The following RNGTT variants were observed in gnomAD, a reference collection of about 807,000 sequenced individuals.
The protein encoded by RNGTT is mRNA-capping enzyme.
RNGTT carries 33 observed loss-of-function variants against 79.3 expected under a neutral mutation model. The observed-to-expected ratio is 0.42, with a 90% CI of 0.32 to 0.56. The LOEUF (loss-of-function observed/expected upper bound fraction) is 0.56, where lower values mean the gene tolerates loss of function less well. Ranked by LOEUF, RNGTT falls within the 20% of genes least tolerant of loss-of-function variation. RNGTT has a pLI of 0.17. For missense variants in RNGTT, 497 were observed against 739.1 expected (o/e 0.67, Z 3.80); for synonymous variants, 222 against 235.9 (o/e 0.94, Z 0.54).
intron 12 of RNGTT, 36 bp downstream of exon 12, chr6:88,801,528 A>G: frequency 6.5e-7 from 1 of 1,540,028 alleles, no homozygotes; most frequent in Non-Finnish European, 9.0e-7. Flanking sequence ...ACACAAACAC[A>G]CAAACGAACA....
intron 13 of RNGTT, among the ~76,000 whole-genome samples, chr6:88,762,796 GA>G: frequency 6.6e-6 from 1 of 152,328 alleles, no homozygotes; most frequent in East Asian, 1.9e-4. Flanking sequence ...TGAAGTTACA[GA>G]AACACAAGCA....
intron 11 of RNGTT, among the ~76,000 whole-genome samples, chr6:88,842,529 T>A (rs1019798920): frequency 8.5e-5 from 13 of 152,158 alleles, no homozygotes; most frequent in Non-Finnish European, 1.8e-4. Flanking sequence ...AGTATGTTCA[T>A]GTGAGAACAC....
At chr6:88,901,810 T>A (rs1783478748) in intron 6 of RNGTT, among the ~76,000 whole-genome samples, 1 of 152,116 alleles carries the variant, frequency 6.6e-6, no homozygotes, top group Admixed American at 6.6e-5. Flanking sequence ...CACCCTGATT[T>A]TTATACTCAG....
At chr6:88,941,834 A>G (rs997266147) in intron 1 of RNGTT, among the ~76,000 whole-genome samples, 9 of 152,194 alleles carry the variant, frequency 5.9e-5, no homozygotes, top group African/African-American at 2.2e-4. Context: ...CAGCAAAAGA[A>G]AAATTACCAG....
chr6:88,666,704 A>T (rs1774424673), intron 14 of RNGTT, among the ~76,000 whole-genome samples: 1 of 152,208 alleles, frequency 6.6e-6, no homozygotes, highest in African/African-American at 2.4e-5. Context: ...TGGGAGCTGT[A>T]TGTGGACGGA....
intron 13 of RNGTT, among the ~76,000 whole-genome samples, chr6:88,687,535 C>T (rs1775322224): frequency 6.6e-6 from 1 of 152,140 alleles, no homozygotes; most frequent in African/African-American, 2.4e-5. Context: ...AACGCTCAGA[C>T]ATGGCAGAGT....
At position 88,840,191 on chromosome 6, in the gene RNGTT, C is replaced by G. The variant is rs550368717; in HGVS notation, c.1269+4166G>C. ...TTAGCAAAGATAAAAATCTCCACAG[C>G]AATAACCTGTCAATTGTAGTTATTA... On this transcript the variant is annotated intron_variant, in intron 11 of 15. Coordinates refer to ENST00000369485, the MANE Select transcript of RNGTT (RefSeq NM_003800.5). Among the ~76,000 whole-genome samples the G allele has an allele frequency of 8.5e-4, 130 of 152,276 alleles. 1 individual carries two copies. The highest frequency in any genetic ancestry group is 3.4e-3 in the Middle Eastern group (1 of 294).
chr6:88,747,783 T>C (rs527606762), intron 13 of RNGTT, among the ~76,000 whole-genome samples: 2 of 152,322 alleles, frequency 1.3e-5, no homozygotes, highest in African/African-American at 4.8e-5. Flanking sequence ...AAGAATCTGT[T>C]TCCCTTTCCT....
intron 13 of RNGTT, among the ~76,000 whole-genome samples, chr6:88,688,744 T>C (rs1366636470): frequency 1.3e-5 from 2 of 152,182 alleles, no homozygotes; most frequent in African/African-American, 4.8e-5. Context: ...TTGAATAACA[T>C]GGGTTTGAAC....
At position 88,611,907 on chromosome 6, in the gene RNGTT, A is replaced by G. The variant is rs550112267; in HGVS notation, c.*812T>C. 15 of 152,704 alleles carry G rather than the reference A, an allele frequency of 9.8e-5. No homozygotes were observed. The highest frequency in any genetic ancestry group is 1.6e-4 in the Non-Finnish European group (11 of 68,068). The allele number at this position is 152,704 out of a possible 1,614,324, so 9.5% of individuals were successfully genotyped here. ...GCTGATACCACTGAGGTAAAGCAGA[A>G]GTAGCCCTGGCATTTAAAAAAAGAA... On this transcript the variant is annotated 3_prime_UTR_variant, in exon 16 of 16. Coordinates refer to ENST00000369485, the MANE Select transcript of RNGTT (RefSeq NM_003800.5).
intron 13 of RNGTT, among the ~76,000 whole-genome samples, chr6:88,689,504 GA>G (rs938020338): frequency 2.7e-4 from 40 of 150,880 alleles, no homozygotes; most frequent in Admixed American, 2.2e-3. Flanking sequence ...TGAAGCAGGA[GA>G]ATCACTTGAA....
chr6:88,821,794 A>AT (rs1374048277), intron 11 of RNGTT, among the ~76,000 whole-genome samples: 4 of 151,858 alleles, frequency 2.6e-5, no homozygotes, highest in Non-Finnish European at 5.9e-5. Flanking sequence ...GCACTGAAAC[A>AT]TTTTAATATT....
At chr6:88,848,124 T>C (rs976828940) in intron 10 of RNGTT, among the ~76,000 whole-genome samples, 3 of 151,846 alleles carry the variant, frequency 2.0e-5, no homozygotes, top group African/African-American at 7.2e-5. Context: ...TTAAACCTTG[T>C]TAGTAATCAA....
At chr6:88,689,544 A>AG (rs1775401630) in intron 13 of RNGTT, among the ~76,000 whole-genome samples, 1 of 151,078 alleles carries the variant, frequency 6.6e-6, no homozygotes. Context: ...CAGTGAGCCG[A>AG]GATCGCGCCA....
At position 88,933,053 on chromosome 6, in the gene RNGTT, G is replaced by A. The variant is rs796545912; in HGVS notation, c.175-3786C>T. Among the ~76,000 whole-genome samples, 11 of 151,626 alleles carry A rather than the reference G, an allele frequency of 7.3e-5. No homozygotes were observed. In the South Asian group the frequency reaches 2.3e-3, roughly 32 times the overall value. ...ACCCTTTCTCCACTTTAATCCTTGA[G>A]TTTCTACTCCCTCCCTCTTTCCCCC... On this transcript the variant is annotated intron_variant, in intron 2 of 15. Coordinates refer to ENST00000369485, the MANE Select transcript of RNGTT (RefSeq NM_003800.5).
At chr6:88,783,488 A>C (rs186662663) in intron 12 of RNGTT, among the ~76,000 whole-genome samples, 1 of 152,192 alleles carries the variant, frequency 6.6e-6, no homozygotes, top group Non-Finnish European at 1.5e-5. Flanking sequence ...TTATTTCACA[A>C]TGTATATCAA....
intron 14 of RNGTT, among the ~76,000 whole-genome samples, chr6:88,649,471 G>T (rs930536450): frequency 1.3e-5 from 2 of 152,228 alleles, no homozygotes; most frequent in African/African-American, 4.8e-5. Context: ...GGCCGAGGCG[G>T]TGGATCACGA....
At chr6:88,740,543 A>G (rs9344852) in intron 13 of RNGTT, among the ~76,000 whole-genome samples, 19,748 of 151,906 alleles carry the variant, frequency 0.13, 1,456 homozygotes, top group Middle Eastern at 0.22. Context: ...GAAAGGAAAG[A>G]AAGAGAAAAA....
intron 12 of RNGTT, among the ~76,000 whole-genome samples, chr6:88,776,895 C>T (rs1006922226): frequency 1.3e-5 from 2 of 152,064 alleles, no homozygotes; most frequent in African/African-American, 4.8e-5. Context: ...GTTGGCTGAG[C>T]TTTTGATGTA....
Sources: gnomAD v4.1 joint callset for allele counts (sites outside exome capture counted in the v4.1 genomes callset) on GRCh38, gnomAD v4.1.1 for gene constraint, MANE v1.5 for transcripts, NCBI Gene and HGNC (gene_info 2026-07-23, HGNC 2026-07-21) for gene names.